Variants in NIPA2 observed in about 807,000 individuals in gnomAD.
The protein encoded by NIPA2 is NIPA magnesium transporter 2.
NIPA2 carries 11 observed loss-of-function variants against 29.7 expected under a neutral mutation model. The observed-to-expected ratio is 0.37, with a 90% CI of 0.23 to 0.61. The LOEUF (loss-of-function observed/expected upper bound fraction) is 0.61, where lower values mean the gene tolerates loss of function less well. NIPA2 is among the 20% of genes least tolerant of loss of function. The probability of loss-of-function intolerance (pLI) is 0.66; values close to 1 mark genes in which losing one functional copy is unlikely to be tolerated. For synonymous variants in NIPA2, 183 were observed against 161.9 expected (o/e 1.13, Z -0.99); for missense variants, 426 against 437.9 (o/e 0.97, Z 0.24).
intron 7 of NIPA2, among the ~76,000 whole-genome samples, chr15:22,863,214 G>A (rs1044149669): frequency 6.6e-6 from 1 of 151,948 alleles, no homozygotes; most frequent in South Asian, 2.1e-4. Flanking sequence ...AAGTAGTTGC[G>A]ATGACAGGCA....
chr15:22,860,168 C>T (rs1277016951), intron 6 of NIPA2, among the ~76,000 whole-genome samples: 5 of 151,918 alleles, frequency 3.3e-5, no homozygotes, highest in Non-Finnish European at 5.9e-5. Flanking sequence ...ACAGGATGCC[C>T]GCCACCATGC....
In NIPA2 at chr15:22,866,491, T is replaced by G. The variant is rs1400054283; in HGVS notation, c.727T>G (p.Phe243Val). The change falls in exon 8 of 8, where the codon TTC becomes GTC. Residue 243 changes from phenylalanine (F) to valine (V), a missense_variant. Phe to Val is a conservative substitution (Grantham distance 50). Coordinates refer to ENST00000337451, the MANE Select transcript of NIPA2 (RefSeq NM_030922.7). ...TTACCTAAATAGGGCCCTGGATATATTCAACACTTCCATTGTGACTCCAAT... is the reference window on the plus strand; with the variant it reads ...TTACCTAAATAGGGCCCTGGATATAGTCAACACTTCCATTGTGACTCCAAT... ...INYLNRALDI[F>V]NTSIVTPIYY... 1 of 1,613,972 alleles carries G rather than the reference T, an allele frequency of 6.2e-7. No individual in the cohort carries two copies. Among genetic ancestry groups the G allele is most frequent in the African/African-American group, 1.3e-5 (1 of 75,020 alleles).
At chr15:22,863,088 T>G (rs1340000157) in intron 7 of NIPA2, among the ~76,000 whole-genome samples, 1 of 150,272 alleles carries the variant, frequency 6.7e-6, no homozygotes, top group Non-Finnish European at 1.5e-5. Context: ...TTTCTTTGTT[T>G]TTTTTTTTTT....
chr15:22,860,880 A>G, intron 7 of NIPA2, 91 bp downstream of exon 7: 1 of 922,024 alleles, frequency 1.1e-6, no homozygotes, highest in Non-Finnish European at 1.6e-6. Context: ...TAAGGAAAGA[A>G]ATTGTTCCAC....
intron 4 of NIPA2, among the ~76,000 whole-genome samples, chr15:22,852,340 C>T (rs1372253149): frequency 6.6e-6 from 1 of 151,946 alleles, no homozygotes; most frequent in Admixed American, 6.6e-5. Flanking sequence ...GGTGGCCTGG[C>T]CTATAGTCCC....
intron 4 of NIPA2, among the ~76,000 whole-genome samples, chr15:22,852,976 C>G (rs2057884833): frequency 2.0e-5 from 3 of 152,136 alleles, no homozygotes; most frequent in Admixed American, 6.5e-5. Context: ...TTCCCCTAGT[C>G]CCTGATGCTT....
In NIPA2 at chr15:22,851,655, A is replaced by C; in HGVS notation, c.-77A>C. The C allele has an allele frequency of 1.6e-6, 2 of 1,263,288 alleles. No homozygotes were observed. Among genetic ancestry groups the C allele is most frequent in the Non-Finnish European group, 2.2e-6 (2 of 903,768 alleles). The allele number at this position is 1,263,288 out of a possible 1,614,324, so 78.3% of individuals were successfully genotyped here. A position where few individuals can be genotyped will look rare whatever the true frequency, so the allele number is the denominator to read the frequency against. ...ATTGTTTAGGTTTGAAGACTGCTTC[A>C]TTCTGCCTCTAGTACCAGCGGTTTC... On this transcript the variant is annotated 5_prime_UTR_variant, in exon 4 of 8. Transcript: ENST00000337451.
chr15:22,853,656 G>A (rs555603662), intron 5 of NIPA2, among the ~76,000 whole-genome samples: 9 of 152,122 alleles, frequency 5.9e-5, no homozygotes, highest in East Asian at 5.8e-4. Flanking sequence ...GATTACAGGC[G>A]TGAGCCACCG....
Position 22,860,637 on chromosome 15 carries a change from T to A in NIPA2, c.296T>A (p.Leu99His), listed in dbSNP as rs1296335727. 1 of 1,560,864 alleles carries A rather than the reference T, an allele frequency of 6.4e-7. No individual in the cohort carries two copies. The change falls in exon 7 of 8, where the codon CTT (leucine) becomes CAT (histidine). Residue 99 changes from leucine to histidine, a missense_variant. Physicochemically the swap from Leu to His is moderately conservative, Grantham distance 99. Coordinates refer to ENST00000337451, the MANE Select transcript of NIPA2 (RefSeq NM_030922.7). ...GALSVLVSAI[L>H]SSYFLNERLN... is the part of the protein sequence containing the mutation. The stretch of plus-strand genomic sequence containing the variant: ...TTTCCTCCCCATTTTAGTGCCATTC[T>A]TTCTTCATACTTTCTCAATGAAAGA...
At chr15:22,847,646 TAG>T (rs1201812531) in intron 3 of NIPA2, among the ~76,000 whole-genome samples, 1 of 151,974 alleles carries the variant, frequency 6.6e-6, no homozygotes, top group Non-Finnish European at 1.5e-5. Flanking sequence ...GTATTTTTAG[TAG>T]AGATGGGGTT....
chr15:22,868,249 A>AGAT lies in NIPA2; in HGVS notation c.*1404_*1406dup, dbSNP rs770672126. 1.1e-4 allele frequency: 16 copies of AGAT among 152,300 alleles called. No individual in the cohort carries two copies. Among genetic ancestry groups the AGAT allele is most frequent in the Middle Eastern group, 3.4e-3 (1 of 294 alleles). The allele number at this position is 152,300 out of a possible 1,614,324, so 9.4% of individuals were successfully genotyped here. On this transcript the variant is annotated 3_prime_UTR_variant, in exon 8 of 8. Coordinates refer to ENST00000337451, the MANE Select transcript of NIPA2 (RefSeq NM_030922.7). The stretch of plus-strand genomic sequence containing the variant: ...TCCTCCCATGCCATTTTAATACTAC[A>AGAT]GATGTACTACGTATCTGTTTATATA...
chr15:22,853,230 A>G lies in NIPA2; in HGVS notation c.158A>G (p.Tyr53Cys), dbSNP rs1770128932. The G allele has an allele frequency of 1.2e-6, 2 of 1,611,042 alleles. No homozygotes were observed. Among genetic ancestry groups the G allele is most frequent in the African/African-American group, 1.3e-5 (1 of 74,962 alleles). Residue 53 changes from tyrosine (Y) to cysteine (C), a missense_variant, in exon 5 of 8, where the codon TAT becomes TGT. By Grantham distance (194) the Tyr-to-Cys change is radical. Transcript: ENST00000337451. Reference protein sequence around the residue: ...SMRAGQGGHAYLKEWLWWAGL... With the variant: ...SMRAGQGGHACLKEWLWWAGL... ...TTCACAGGTCAAGGTGGCCATGCAT[A>G]TCTTAAGGAATGGTTGTGGTGGGCT...
At chr15:22,853,947 C>T (rs1025380441) in intron 5 of NIPA2, among the ~76,000 whole-genome samples, 2 of 151,990 alleles carry the variant, frequency 1.3e-5, no homozygotes, top group Non-Finnish European at 2.9e-5. Context: ...CCTGCCTCAT[C>T]CTCCTGAGTA....
chr15:22,855,634 A>T (rs948877783), intron 5 of NIPA2, among the ~76,000 whole-genome samples: 4 of 152,172 alleles, frequency 2.6e-5, no homozygotes, highest in African/African-American at 9.7e-5. Flanking sequence ...CCTGTGCGTG[A>T]TGATAAATGG....
chr15:22,848,848 AAAAG>A (rs1292831951), intron 3 of NIPA2, among the ~76,000 whole-genome samples: 3 of 151,096 alleles, frequency 2.0e-5, no homozygotes, highest in African/African-American at 4.9e-5. Flanking sequence ...AAAAAAAAAA[AAAAG>A]AATTACTCCA....
intron 2 of NIPA2, among the ~76,000 whole-genome samples, chr15:22,842,020 A>G (rs1343599671): frequency 6.6e-6 from 1 of 151,904 alleles, no homozygotes; most frequent in Non-Finnish European, 1.5e-5. Flanking sequence ...GAATCCCCCA[A>G]CTCAACTCCC....
chr15:22,845,913 G>T (rs1898500543), intron 3 of NIPA2, among the ~76,000 whole-genome samples: 1 of 152,166 alleles, frequency 6.6e-6, no homozygotes, highest in African/African-American at 2.4e-5. Flanking sequence ...ATAGCATCAT[G>T]AAACTTTATG....
At chr15:22,859,122 C>CGAGATA (rs966800605) in intron 6 of NIPA2, among the ~76,000 whole-genome samples, 11 of 151,908 alleles carry the variant, frequency 7.2e-5, no homozygotes, top group African/African-American at 2.7e-4. Flanking sequence ...TGCAATGACC[C>CGAGATA]GAGATAGCAC....
chr15:22,861,415 T>G (rs894580025), intron 7 of NIPA2, among the ~76,000 whole-genome samples: 1 of 152,174 alleles, frequency 6.6e-6, no homozygotes, highest in African/African-American at 2.4e-5. Context: ...TCAGTTTGCT[T>G]TTTCTTGGAT....
Sources: gnomAD v4.1 joint callset for allele counts (sites outside exome capture counted in the v4.1 genomes callset) on GRCh38, gnomAD v4.1.1 for gene constraint, MANE v1.5 for transcripts, NCBI Gene and HGNC (gene_info 2026-07-23, HGNC 2026-07-21) for gene names.